ZNF638: variants seen among roughly 807,000 people sequenced by gnomAD.
ZNF638 encodes zinc finger protein 638, also known as CTCL tumor antigen se33-1.
ZNF638 carries 46 observed loss-of-function variants against 195.6 expected under a neutral mutation model. The observed-to-expected ratio is 0.24, with a 90% CI of 0.19 to 0.30. The LOEUF (loss-of-function observed/expected upper bound fraction) is 0.30, where lower values mean the gene tolerates loss of function less well. ZNF638 is among the 10% of genes least tolerant of loss of function. ZNF638 has a pLI of 1.00. For synonymous variants in ZNF638, 845 were observed against 772.0 expected, an observed-to-expected ratio of 1.09 and a Z score of -1.57; for missense variants, 2,440 against 2,325.3, an observed-to-expected ratio of 1.05 and a Z score of -1.01.
At chr2:71,424,074 T>C in intron 22 of ZNF638, 36 bp downstream of exon 22, 1 of 1,590,088 alleles carries the variant, frequency 6.3e-7, no homozygotes. Flanking sequence ...AGTGTGTCTT[T>C]GAAGTGATTA....
intron 7 of ZNF638, among the ~76,000 whole-genome samples, chr2:71,369,335 A>AT (rs1416524403): frequency 6.6e-6 from 1 of 151,922 alleles, no homozygotes; most frequent in Non-Finnish European, 1.5e-5. Flanking sequence ...AAAAAAAAAA[A>AT]AAAAAAAGTT....
At chr2:71,385,216 A>G (rs1475473342) in intron 10 of ZNF638, among the ~76,000 whole-genome samples, 1 of 152,212 alleles carries the variant, frequency 6.6e-6, no homozygotes, top group African/African-American at 2.4e-5. Context: ...ATTCTAGAAA[A>G]GAGTATGACA....
intron 10 of ZNF638, among the ~76,000 whole-genome samples, chr2:71,388,169 G>A (rs1356303766): frequency 6.6e-6 from 1 of 152,146 alleles, no homozygotes; most frequent in Non-Finnish European, 1.5e-5. Context: ...AGTCCTGGGA[G>A]GTTTTGCAAA....
intron 1 of ZNF638, among the ~76,000 whole-genome samples, chr2:71,347,635 C>T (rs905677831): frequency 1.3e-5 from 2 of 152,122 alleles, no homozygotes; most frequent in African/African-American, 4.8e-5. Flanking sequence ...AGTCTATATG[C>T]TCATACATTT....
At position 71,404,849 on chromosome 2, in the gene ZNF638, G is replaced by T. The variant is rs117124833; in HGVS notation, c.2959-752G>T. On this transcript the variant is annotated intron_variant, in intron 17 of 27. Coordinates refer to ENST00000264447, the MANE Select transcript of ZNF638 (RefSeq NM_014497.5). ...TTATCTCATGTACACACCCTTCAGT[G>T]CCTCTATGTGACCTATAAACATTTA... is the stretch of plus-strand genomic sequence containing the variant. Among the ~76,000 whole-genome samples the T allele has an allele frequency of 1.1e-4, 17 of 152,264 alleles. No homozygotes were observed. In the East Asian group the frequency reaches 3.1e-3, roughly 28 times the overall value.
Position 71,434,940 on chromosome 2 carries a change from A to C in ZNF638, c.*133A>C, listed in dbSNP as rs1279256065. 1.4e-6 allele frequency: 1 copy of C among 695,370 alleles called. No homozygotes were observed. Among genetic ancestry groups the C allele is most frequent in the Non-Finnish European group, 2.4e-6 (1 of 421,122 alleles). 43.1% of individuals were successfully genotyped at this position (695,370 alleles called of 1,614,324 possible). A position where few individuals can be genotyped will look rare whatever the true frequency, so the allele number is the denominator to read the frequency against. On this transcript the variant is annotated 3_prime_UTR_variant, in exon 28 of 28. Coordinates refer to ENST00000264447, the MANE Select transcript of ZNF638 (RefSeq NM_014497.5). The stretch of plus-strand genomic sequence containing the variant: ...GTTGTACAAATTTCTGATTGCCCTA[A>C]ATGTAGAGAGACTGATGGGGAAAGT...
intron 8 of ZNF638, among the ~76,000 whole-genome samples, chr2:71,378,433 C>T (rs564771068): frequency 1.3e-5 from 2 of 152,104 alleles, no homozygotes; most frequent in Non-Finnish European, 2.9e-5. Context: ...CCAAAAAGAA[C>T]AGAAAGTATG....
chr2:71,398,573 A>G, intron 11 of ZNF638, 128 bp from the exon 12 acceptor site: 1 of 776,816 alleles, frequency 1.3e-6, no homozygotes, highest in Non-Finnish European at 2.2e-6. Context: ...GTCCCCAAAG[A>G]TGATAGCATT....
intron 8 of ZNF638, chr2:71,374,884 A>G (rs1190324981): frequency 1.3e-5 from 2 of 152,226 alleles, no homozygotes; most frequent in African/African-American, 4.8e-5. Context: ...AGATAGCACC[A>G]TGGCACCCCA....
intron 10 of ZNF638, among the ~76,000 whole-genome samples, chr2:71,390,463 A>G (rs1159348056): frequency 6.6e-6 from 1 of 152,212 alleles, no homozygotes; most frequent in Non-Finnish European, 1.5e-5. Flanking sequence ...TAATGTGCTC[A>G]CCAGGGTAAT....
chr2:71,400,567 CAA>C (rs2079986455), intron 15 of ZNF638, 49 bp downstream of exon 15: 1 of 1,480,406 alleles, frequency 6.8e-7, no homozygotes, highest in Non-Finnish European at 9.1e-7. Context: ...GACATTTTAA[CAA>C]AAGATATTTT....
chr2:71,390,332 C>T (rs1249454269), intron 10 of ZNF638, among the ~76,000 whole-genome samples: 2 of 152,086 alleles, frequency 1.3e-5, no homozygotes, highest in African/African-American at 4.8e-5. Flanking sequence ...CTTACTCTGC[C>T]CCAACGAATT....
At position 71,394,304 on chromosome 2, in the gene ZNF638, C is replaced by T. The variant is rs537188805; in HGVS notation, c.2378-1837C>T. ...AAGTAGAGTCCTTGCCACCCCAAGA[C>T]ACTTAATGGCATCTGGGACATCTTA... On this transcript the variant is annotated intron_variant, in intron 10 of 27. Coordinates refer to ENST00000264447, the MANE Select transcript of ZNF638 (RefSeq NM_014497.5). Among the ~76,000 whole-genome samples the T allele has an allele frequency of 2.0e-5, 3 of 152,318 alleles. No homozygotes were observed. In the South Asian group the frequency reaches 6.2e-4, roughly 32 times the overall value.
chr2:71,426,868 TCAGTGG>T lies in ZNF638; in HGVS notation c.5001_5006del (p.Val1668_Ala1669del), dbSNP rs771901575. The T allele has an allele frequency of 5.0e-6, 8 of 1,614,200 alleles. No individual in the cohort carries two copies. The South Asian group carries it at 6.6e-5, about 13-fold the overall frequency. On this transcript the variant is annotated inframe_deletion, in exon 24 of 28. Transcript: ENST00000264447. ...TGAACCTAAAGATGTTACTGTTCTG[TCAGTGG>T]CTGAAGAACAAGATCTCCTCAAACA...
chr2:71,367,464 C>T (rs912334123), intron 6 of ZNF638, among the ~76,000 whole-genome samples: 6 of 137,694 alleles, frequency 4.4e-5, no homozygotes, highest in African/African-American at 1.3e-4. Flanking sequence ...ATCAGAGTCT[C>T]GCTCTGTCAC....
intron 8 of ZNF638, 76 bp from the exon 9 acceptor site, chr2:71,380,145 AT>A: frequency 1.3e-6 from 1 of 793,514 alleles, no homozygotes. Flanking sequence ...GAATAGGAAG[AT>A]TTTAGATTTT....
At chr2:71,422,041 T>C (rs2080443793) in intron 21 of ZNF638, among the ~76,000 whole-genome samples, 2 of 152,198 alleles carry the variant, frequency 1.3e-5, no homozygotes, top group South Asian at 4.1e-4. Flanking sequence ...TTCTGAATAT[T>C]ACTTACACAT....
chr2:71,398,676 T>G, intron 11 of ZNF638, 25 bp from the exon 12 acceptor site: 1 of 1,607,262 alleles, frequency 6.2e-7, no homozygotes, highest in Non-Finnish European at 8.5e-7. Context: ...GTAAACCAGT[T>G]TTGACTGCAT....
At position 71,435,019 on chromosome 2, in the gene ZNF638, G is replaced by A. The variant is rs979499313; in HGVS notation, c.*212G>A. On this transcript the variant is annotated 3_prime_UTR_variant, in exon 28 of 28. Transcript: ENST00000264447. ...ATCAGGCATGGAGAAATATCTTTTA[G>A]AAGTGTTAAAATAAATGTTCCTACT... 2.3e-6 allele frequency: 1 copy of A among 440,504 alleles called. No homozygotes were observed. The highest frequency in any genetic ancestry group is 4.1e-6 in the Non-Finnish European group (1 of 243,384). The allele number at this position is 440,504 out of a possible 1,614,324, so 27.3% of individuals were successfully genotyped here. A position where few individuals can be genotyped will look rare whatever the true frequency, so the allele number is the denominator to read the frequency against.
Sources: gnomAD v4.1 joint callset for allele counts (sites outside exome capture counted in the v4.1 genomes callset) on GRCh38, gnomAD v4.1.1 for gene constraint, MANE v1.5 for transcripts, NCBI Gene and HGNC (gene_info 2026-07-23, HGNC 2026-07-21) for gene names.